Variants in CEP128 observed in about 807,000 individuals in gnomAD.
CEP128 encodes centrosomal protein 128kDa.
A neutral mutation model predicts 156.7 loss-of-function variants in CEP128; 132 were observed. The ratio of observed to expected loss-of-function variants is 0.84; its 90% confidence interval spans 0.73 to 0.97. The LOEUF (loss-of-function observed/expected upper bound fraction) is 0.97, where lower values mean the gene tolerates loss of function less well. Ranked by LOEUF, CEP128 falls within the 50% of genes least tolerant of loss-of-function variation. CEP128 has a pLI of 0.00. For missense variants in CEP128, 1,252 were observed against 1,281.9 expected (o/e 0.98, Z 0.36); for synonymous variants, 469 against 448.9 (o/e 1.04, Z -0.57).
chr14:80,745,966 G>GC, intron 18 of CEP128, among the ~76,000 whole-genome samples: 1 of 151,664 alleles, frequency 6.6e-6, no homozygotes, highest in South Asian at 2.1e-4. Flanking sequence ...TTTGCAATGA[G>GC]CAATCCAAAA....
intron 20 of CEP128, among the ~76,000 whole-genome samples, chr14:80,564,419 T>C (rs1208140385): frequency 6.6e-6 from 1 of 152,208 alleles, no homozygotes; most frequent in Non-Finnish European, 1.5e-5. Flanking sequence ...TGATATAGGA[T>C]TCCCTCAATA....
At chr14:80,835,995 C>T (rs1756390893) in intron 12 of CEP128, among the ~76,000 whole-genome samples, 1 of 152,070 alleles carries the variant, frequency 6.6e-6, no homozygotes, top group African/African-American at 2.4e-5. Flanking sequence ...GTCTAATAAC[C>T]CAAATGGGTT....
intron 8 of CEP128, among the ~76,000 whole-genome samples, chr14:80,874,145 A>C (rs1271110240): frequency 6.6e-6 from 1 of 152,106 alleles, no homozygotes; most frequent in Non-Finnish European, 1.5e-5. Context: ...CAGTTGAAAA[A>C]CTTAGTCAAA....
intron 14 of CEP128, among the ~76,000 whole-genome samples, chr14:80,789,102 C>T (rs918740566): frequency 1.3e-5 from 2 of 151,922 alleles, no homozygotes; most frequent in African/African-American, 2.4e-5. Flanking sequence ...AGTGGAAAGT[C>T]GGGTTGACTC....
intron 19 of CEP128, among the ~76,000 whole-genome samples, chr14:80,678,223 C>A (rs904007336): frequency 6.6e-6 from 1 of 151,770 alleles, no homozygotes; most frequent in Non-Finnish European, 1.5e-5. Context: ...CTTTCTATTA[C>A]TTTTTTCTTA....
At chr14:80,702,696 A>T (rs765735686) in intron 19 of CEP128, among the ~76,000 whole-genome samples, 2 of 152,200 alleles carry the variant, frequency 1.3e-5, no homozygotes, top group Non-Finnish European at 2.9e-5. Flanking sequence ...TGGTAGAACT[A>T]GGACTCAAAT....
intron 2 of CEP128, 45 bp downstream of exon 2, chr14:80,939,340 C>T (rs891750583): frequency 6.6e-6 from 1 of 151,832 alleles, no homozygotes; most frequent in Non-Finnish European, 1.5e-5. Context: ...CATAAATATG[C>T]AAAAAATGTG....
intron 19 of CEP128, among the ~76,000 whole-genome samples, chr14:80,628,152 A>G (rs982101674): frequency 3.0e-4 from 45 of 152,214 alleles, no homozygotes; most frequent in African/African-American, 1.1e-3. Context: ...GGAAATTTCT[A>G]TTTGAATAGT....
At chr14:80,727,026 A>AAAAGAAAT (rs1159349149) in intron 19 of CEP128, among the ~76,000 whole-genome samples, 1 of 152,206 alleles carries the variant, frequency 6.6e-6, no homozygotes, top group Non-Finnish European at 1.5e-5. Context: ...AGAGCTGTGG[A>AAAAGAAAT]AAAGAAATAA....
At chr14:80,789,280 A>G (rs1831166219) in intron 14 of CEP128, among the ~76,000 whole-genome samples, 1 of 152,172 alleles carries the variant, frequency 6.6e-6, no homozygotes, top group Non-Finnish European at 1.5e-5. Flanking sequence ...TTGGGTATGA[A>G]TAGTTAAAAA....
intron 18 of CEP128, 149 bp downstream of exon 18, chr14:80,756,743 C>A: frequency 1.7e-6 from 1 of 583,962 alleles, no homozygotes; most frequent in Non-Finnish European, 3.1e-6. Context: ...ATGGAGATTC[C>A]CTAAGTGGAC....
Position 80,792,781 on chromosome 14 carries a change from TTCA to T in CEP128, c.1536_1538del (p.Asp512del). On this transcript the variant is annotated inframe_deletion, in exon 14 of 25. Coordinates refer to ENST00000555265, the MANE Select transcript of CEP128 (RefSeq NM_152446.5). ...ATACCTGATTATTCTTGCCTGTCAG[TTCA>T]TCAACAGTTTCAGATTGTTTCTCCA... 6.2e-7 allele frequency: 1 copy of T among 1,614,018 alleles called. No individual in the cohort carries two copies. Among genetic ancestry groups the T allele is most frequent in the South Asian group, 1.1e-5 (1 of 91,080 alleles).
At position 80,792,922 on chromosome 14, in the gene CEP128, C is replaced by T. The variant is rs775746429; in HGVS notation, c.1398G>A (p.Gln466=). 6 of 1,614,072 alleles carry T rather than the reference C, an allele frequency of 3.7e-6. No individual in the cohort carries two copies. In the South Asian group the frequency reaches 5.5e-5, roughly 15 times the overall value. The change falls in exon 14 of 25, where the codon CAG becomes CAA. Residue 466 remains glutamine (Q), a synonymous_variant. Coordinates refer to ENST00000555265, the MANE Select transcript of CEP128 (RefSeq NM_152446.5). ...KQAERYLSEL[Q]QSEALKEEAE... ...CCTCCTCTTTCAGAGCCTCTGACTGCTGGAGCTCACTGAGGTACCGCTCAG... is the reference window on the plus strand; with the variant it reads ...CCTCCTCTTTCAGAGCCTCTGACTGTTGGAGCTCACTGAGGTACCGCTCAG...
intron 19 of CEP128, among the ~76,000 whole-genome samples, chr14:80,674,753 C>T (rs897662375): frequency 4.6e-5 from 7 of 152,032 alleles, no homozygotes; most frequent in East Asian, 3.9e-4. Flanking sequence ...CCATATATAC[C>T]GCCATGGAAC....
chr14:80,853,681 A>G (rs1424754544), intron 9 of CEP128, among the ~76,000 whole-genome samples: 1 of 152,044 alleles, frequency 6.6e-6, no homozygotes, highest in Non-Finnish European at 1.5e-5. Flanking sequence ...TACAATCGCA[A>G]TAAAAATGCC....
intron 8 of CEP128, among the ~76,000 whole-genome samples, chr14:80,895,024 C>T: frequency 6.6e-6 from 1 of 151,862 alleles, no homozygotes; most frequent in East Asian, 1.9e-4. Flanking sequence ...AATAAATACA[C>T]TCCTGAAGTT....
intron 23 of CEP128, among the ~76,000 whole-genome samples, chr14:80,520,989 ATTTTTTTTTTTTTT>A (rs533538115): frequency 8.7e-6 from 1 of 114,586 alleles, no homozygotes; most frequent in Non-Finnish European, 1.8e-5. Context: ...CGCCCAGCTA[ATTTTTTTTTTTTTT>A]TTTTTTTTTT....
chr14:80,826,077 C>T (rs987175121), intron 13 of CEP128, among the ~76,000 whole-genome samples: 3 of 148,322 alleles, frequency 2.0e-5, no homozygotes, highest in Non-Finnish European at 4.4e-5. Context: ...CTGCACTCCA[C>T]CCTGGGTGAC....
chr14:80,567,980 G>T (rs1278229231), intron 20 of CEP128, among the ~76,000 whole-genome samples: 1 of 152,038 alleles, frequency 6.6e-6, no homozygotes, highest in East Asian at 1.9e-4. Flanking sequence ...CAGTCGTGAG[G>T]TTAGTCATGT....
Sources: allele counts gnomAD v4.1 joint callset (sites outside exome capture counted in the v4.1 genomes callset), GRCh38; gene constraint gnomAD v4.1.1; transcripts MANE v1.5; gene names NCBI Gene and HGNC (gene_info 2026-07-23, HGNC 2026-07-21).